Variants in TTC39C observed in about 807,000 individuals in gnomAD.
TTC39C encodes tetratricopeptide repeat domain 39C, also known as tetratricopeptide repeat protein 39C.
TTC39C carries 33 observed loss-of-function variants against 76.3 expected under a neutral mutation model. That is an observed-to-expected ratio of 0.43 (90% CI 0.33 to 0.58). TTC39C has a LOEUF of 0.58. Among genes scored for constraint, TTC39C ranks in the 20% least tolerant of loss-of-function variants. The pLI is 0.04. For missense variants in TTC39C, 595 were observed against 701.4 expected, an observed-to-expected ratio of 0.85 and a Z score of 1.71; for synonymous variants, 254 against 260.6, an observed-to-expected ratio of 0.97 and a Z score of 0.24.
chr18:24,008,408 G>A (rs993205936), intron 1 of TTC39C, among the ~76,000 whole-genome samples: 26 of 152,166 alleles, frequency 1.7e-4, no homozygotes, highest in Admixed American at 1.0e-3. Flanking sequence ...AGAAGAGCTC[G>A]GACATGCCAT....
At chr18:24,099,035 GTATATATATA>G (rs10582999) in intron 6 of TTC39C, among the ~76,000 whole-genome samples, 1 of 146,664 alleles carries the variant, frequency 6.8e-6, no homozygotes, top group Non-Finnish European at 1.5e-5. Flanking sequence ...GTGTGTGTGT[GTATATATATA>G]TCTATACACG....
upstream of TTC39C, among the ~76,000 whole-genome samples, chr18:24,010,774 T>C (rs1342664437): frequency 6.6e-6 from 1 of 152,150 alleles, no homozygotes; most frequent in African/African-American, 2.4e-5. Context: ...AGGCCAGGCA[T>C]GGGTGGCTCA....
chr18:24,040,100 G>A (rs2083774322), intron 1 of TTC39C, among the ~76,000 whole-genome samples: 1 of 152,180 alleles, frequency 6.6e-6, no homozygotes, highest in Admixed American at 6.5e-5. Flanking sequence ...AGTAATCGGA[G>A]GCCTCTTGAT....
At chr18:24,124,242 C>G (rs1288238101) in intron 9 of TTC39C, 1 of 212,834 alleles carries the variant, frequency 4.7e-6, no homozygotes. Context: ...AAATCTTTAG[C>G]AAAAGGTGAA....
At chr18:24,105,048 A>G (rs886370235) in intron 6 of TTC39C, among the ~76,000 whole-genome samples, 3 of 152,090 alleles carry the variant, frequency 2.0e-5, no homozygotes, top group African/African-American at 7.2e-5. Context: ...TATCATAAGC[A>G]AAGTTCAAAA....
At chr18:24,033,555 G>T (rs965089211) in intron 1 of TTC39C, among the ~76,000 whole-genome samples, 2 of 152,104 alleles carry the variant, frequency 1.3e-5, no homozygotes, top group African/African-American at 4.8e-5. Flanking sequence ...AATCCTCTGG[G>T]TTCTTACCTT....
In TTC39C at chr18:24,132,887, C is replaced by A. The variant is rs950358329; in HGVS notation, c.*313C>A. 4 of 221,378 alleles carry A rather than the reference C, an allele frequency of 1.8e-5. No homozygotes were observed. The highest frequency in any genetic ancestry group is 3.5e-5 in the Non-Finnish European group (4 of 113,920). 13.7% of individuals were successfully genotyped at this position (221,378 alleles called of 1,614,324 possible). A position where few individuals can be genotyped will look rare whatever the true frequency, so the allele number is the denominator to read the frequency against. On this transcript the variant is annotated 3_prime_UTR_variant, in exon 14 of 14. Transcript: ENST00000317571. ...AAATAAAATCAAACGGAACATCCAACCCAAGATCCTGTAGGAACACCTACC... is the reference window on the plus strand; with the variant it reads ...AAATAAAATCAAACGGAACATCCAAACCAAGATCCTGTAGGAACACCTACC...
chr18:24,016,214 C>G lies in TTC39C; in HGVS notation c.167+1176C>G, dbSNP rs879753088. On this transcript the variant is annotated intron_variant, in intron 1 of 13. Transcript: ENST00000317571. The stretch of plus-strand genomic sequence containing the variant: ...CTTTTAAATCGGTGATTTTTTCCCC[C>G]CTTTGGTCTGAAAGTAAAAACAACT... Among the ~76,000 whole-genome samples the G allele has an allele frequency of 7.9e-5, 12 of 152,266 alleles. No individual in the cohort carries two copies. The East Asian group carries it at 9.6e-4, about 12-fold the overall frequency.
At chr18:24,010,241 G>C (rs2083384719), upstream of TTC39C, among the ~76,000 whole-genome samples, 1 of 152,224 alleles carries the variant, frequency 6.6e-6, no homozygotes, top group African/African-American at 2.4e-5. Flanking sequence ...GAAACAGTCA[G>C]GTTGTTTACA....
Position 24,128,919 on chromosome 18 carries a change from G to T in TTC39C, c.1454G>T (p.Gly485Val), listed in dbSNP as rs1178509998. Reference sequence around the variant, plus strand: ...GAAGTGGATGACTCATCTGTTGTTGGATTAAAGTATTTGCTTCTTGGTGCC... The same window carrying T: ...GAAGTGGATGACTCATCTGTTGTTGTATTAAAGTATTTGCTTCTTGGTGCC... Reference protein sequence around the residue: ...CHEVDDSSVVGLKYLLLGAIH... With the variant: ...CHEVDDSSVVVLKYLLLGAIH... The change falls in exon 11 of 14, where the codon GGA becomes GTA. Residue 485 changes from glycine to valine, a missense_variant. Transcript: ENST00000317571. The T allele has an allele frequency of 6.2e-7, 1 of 1,613,424 alleles. No individual in the cohort carries two copies. Among genetic ancestry groups the T allele is most frequent in the Non-Finnish European group, 8.5e-7 (1 of 1,179,794 alleles).
intron 1 of TTC39C, among the ~76,000 whole-genome samples, chr18:24,037,411 G>T (rs1568413949): frequency 6.6e-6 from 1 of 152,156 alleles, no homozygotes; most frequent in Admixed American, 6.5e-5. Flanking sequence ...CATGTAGTAG[G>T]TACTCAGTCA....
At chr18:24,070,373 T>C (rs1028057504) in intron 4 of TTC39C, among the ~76,000 whole-genome samples, 2 of 152,188 alleles carry the variant, frequency 1.3e-5, no homozygotes, top group Non-Finnish European at 2.9e-5. Flanking sequence ...TCATAGCTCA[T>C]GTGAATTTTT....
In TTC39C at chr18:24,132,960, A is replaced by G. The variant is rs548692398; in HGVS notation, c.*386A>G. ...AACATGATGAGGTACCTGTAAAATT[A>G]TTAACAATATCATGACATAGCATTT... On this transcript the variant is annotated 3_prime_UTR_variant, in exon 14 of 14. Coordinates refer to ENST00000317571, the MANE Select transcript of TTC39C (RefSeq NM_001135993.2). The G allele has an allele frequency of 2.0e-4, 33 of 161,830 alleles. No individual in the cohort carries two copies. The highest frequency in any genetic ancestry group is 7.1e-4 in the African/African-American group (30 of 41,988). The allele number at this position is 161,830 out of a possible 1,614,324, so 10.0% of individuals were successfully genotyped here. A position where few individuals can be genotyped will look rare whatever the true frequency, so the allele number is the denominator to read the frequency against.
Position 24,118,240 on chromosome 18 carries a change from G to C in TTC39C, c.1186+8G>C, listed in dbSNP as rs372800593. On this transcript the variant is annotated splice_region_variant and intron_variant, in intron 8 of 13. Coordinates refer to ENST00000317571, the MANE Select transcript of TTC39C (RefSeq NM_001135993.2). The stretch of plus-strand genomic sequence containing the variant: ...ATGCCTACTTGACTGCAGGTGAGTC[G>C]CCCATGGTCCCTCAGTGTGCCTCTC... 1.2e-6 allele frequency: 2 copies of C among 1,606,022 alleles called. No homozygotes were observed. Among genetic ancestry groups the C allele is most frequent in the South Asian group, 1.1e-5 (1 of 90,248 alleles).
At chr18:23,994,992 A>T (rs942585899) in intron 1 of TTC39C, among the ~76,000 whole-genome samples, 1 of 152,092 alleles carries the variant, frequency 6.6e-6, no homozygotes, top group African/African-American at 2.4e-5. Context: ...AAATGTGTGT[A>T]TAGTTCTCTG....
chr18:24,013,504 T>C (rs1430178146), upstream of TTC39C, among the ~76,000 whole-genome samples: 1 of 152,274 alleles, frequency 6.6e-6, no homozygotes, highest in Non-Finnish European at 1.5e-5. Flanking sequence ...GGTCCCATGA[T>C]AATGGATGAC....
At chr18:24,079,005 G>T (rs2084342242) in intron 4 of TTC39C, among the ~76,000 whole-genome samples, 1 of 152,170 alleles carries the variant, frequency 6.6e-6, no homozygotes, top group Non-Finnish European at 1.5e-5. Flanking sequence ...TTGGGTTTTT[G>T]TAAATCAGAT....
Position 24,134,257 on chromosome 18 carries a change from GTT to G in TTC39C, c.*1688_*1689del, listed in dbSNP as rs1182625147. ...TGGTGCCCAAAAATATTGGACATCT[GTT>G]TTTTGTTTTTTTTTTTTTTTTTTTT... On this transcript the variant is annotated 3_prime_UTR_variant, in exon 14 of 14. Coordinates refer to ENST00000317571, the MANE Select transcript of TTC39C (RefSeq NM_001135993.2). 1.4e-4 allele frequency: 7 copies of G among 48,724 alleles called. No individual in the cohort carries two copies. Among genetic ancestry groups the G allele is most frequent in the African/African-American group, 2.4e-4 (4 of 16,746 alleles). 3.0% of individuals were successfully genotyped at this position (48,724 alleles called of 1,614,324 possible). A position where few individuals can be genotyped will look rare whatever the true frequency, so the allele number is the denominator to read the frequency against.
chr18:24,006,282 G>A (rs568396993), intron 1 of TTC39C: 1 of 152,216 alleles, frequency 6.6e-6, no homozygotes, highest in Admixed American at 6.5e-5. Flanking sequence ...CAAAGTGTAG[G>A]CATTAGCCAC....
Sources: gnomAD v4.1 joint callset for allele counts (sites outside exome capture counted in the v4.1 genomes callset) on GRCh38, gnomAD v4.1.1 for gene constraint, MANE v1.5 for transcripts, NCBI Gene and HGNC (gene_info 2026-07-23, HGNC 2026-07-21) for gene names.